LRMDA: variants seen among roughly 807,000 people sequenced by gnomAD.
LRMDA encodes the protein leucine-rich melanocyte differentiation-associated protein.
LRMDA carries 18 observed loss-of-function variants against 29.8 expected under a neutral mutation model. The observed-to-expected ratio is 0.60, with a 90% CI of 0.42 to 0.90. The LOEUF is 0.90. Ranked by LOEUF, LRMDA falls within the 40% of genes least tolerant of loss-of-function variation. The pLI, the probability that LRMDA is intolerant of heterozygous loss-of-function variation, is 0.00. For synonymous variants in LRMDA, 125 were observed against 109.4 expected, an observed-to-expected ratio of 1.14 and a Z score of -0.89; for missense variants, 273 against 273.9, an observed-to-expected ratio of 1.00 and a Z score of 0.02.
intron 2 of LRMDA, among the ~76,000 whole-genome samples, chr10:75,844,366 CT>C (rs1564583892): frequency 6.6e-6 from 1 of 152,140 alleles, no homozygotes; most frequent in Admixed American, 6.5e-5. Context: ...ACAACTTAAG[CT>C]TCTGTCTTTG....
At chr10:76,335,146 TAAAGC>T (rs990922367) in intron 6 of LRMDA, among the ~76,000 whole-genome samples, 15 of 152,352 alleles carry the variant, frequency 9.8e-5, no homozygotes, top group African/African-American at 3.6e-4. Context: ...GTGGATCATT[TAAAGC>T]AAGAATTAGA....
At chr10:75,688,862 TTA>T (rs1842112416) in intron 2 of LRMDA, among the ~76,000 whole-genome samples, 1 of 152,216 alleles carries the variant, frequency 6.6e-6, no homozygotes, top group Non-Finnish European at 1.5e-5. Flanking sequence ...AGCAAAAAGA[TTA>T]TGACTTGCTG....
rs114756399 is a variant in LRMDA at position 76,420,772 on chromosome 10, G to A, written c.601+96287G>A. 3.0e-3 allele frequency among the ~76,000 whole-genome samples: 454 copies of A among 151,782 alleles called. 4 individuals carry two copies. The highest frequency in any genetic ancestry group is 0.011 in the African/African-American group (445 of 41,402). On this transcript the variant is annotated intron_variant, in intron 6 of 6. Coordinates refer to ENST00000611255, the MANE Select transcript of LRMDA (RefSeq NM_001305581.2). ...TTCTAATTTCTATGCTGATTTTTTT[G>A]ACTGTTGAGATATTTAGAAGTATGT... is the stretch of plus-strand genomic sequence containing the variant.
At chr10:75,993,784 T>C (rs781062989) in intron 2 of LRMDA, among the ~76,000 whole-genome samples, 16 of 152,080 alleles carry the variant, frequency 1.1e-4, no homozygotes, top group South Asian at 2.1e-4. Context: ...GTCATATTAT[T>C]GGTACGTGGT....
intron 2 of LRMDA, among the ~76,000 whole-genome samples, chr10:75,544,355 C>G (rs1347135815): frequency 6.6e-6 from 1 of 152,126 alleles, no homozygotes; most frequent in East Asian, 1.9e-4. Context: ...GGTTTCTAAA[C>G]TATCTCACAA....
chr10:75,616,240 T>TAGCAGCAGCAGC (rs773644340), intron 2 of LRMDA, among the ~76,000 whole-genome samples: 173 of 146,888 alleles, frequency 1.2e-3, no homozygotes, highest in African/African-American at 4.4e-3. Flanking sequence ...ATAGTAGCAG[T>TAGCAGCAGCAGC]AGCAGCAGTA....
At chr10:76,473,281 A>G (rs550607358) in intron 6 of LRMDA, among the ~76,000 whole-genome samples, 3 of 150,390 alleles carry the variant, frequency 2.0e-5, no homozygotes, top group East Asian at 3.9e-4. Flanking sequence ...CCACACCATT[A>G]AAAAAAAAGT....
chr10:76,224,589 T>C (rs115287054), intron 5 of LRMDA, among the ~76,000 whole-genome samples: 6,324 of 149,656 alleles, frequency 0.042, 430 homozygotes, highest in African/African-American at 0.14. Context: ...AAAAAAAAAA[T>C]GTTAGGCAAG....
At chr10:76,247,997 G>C (rs1027513123) in intron 5 of LRMDA, among the ~76,000 whole-genome samples, 1 of 152,112 alleles carries the variant, frequency 6.6e-6, no homozygotes, top group Non-Finnish European at 1.5e-5. Flanking sequence ...CTCAAATAAT[G>C]GGGAAAGGAC....
intron 2 of LRMDA, among the ~76,000 whole-genome samples, chr10:75,814,135 A>G (rs187143052): frequency 6.6e-6 from 1 of 152,214 alleles, no homozygotes; most frequent in Non-Finnish European, 1.5e-5. Context: ...CCTTCTGGAC[A>G]CTGGGCCCTT....
intron 6 of LRMDA, among the ~76,000 whole-genome samples, chr10:76,349,399 TGC>T (rs1329769112): frequency 2.0e-5 from 3 of 152,134 alleles, no homozygotes; most frequent in Non-Finnish European, 4.4e-5. Flanking sequence ...TTGCCACTCC[TGC>T]TATATGTATA....
At chr10:75,772,843 ATTC>A (rs1187119545) in intron 2 of LRMDA, among the ~76,000 whole-genome samples, 1 of 86,524 alleles carries the variant, frequency 1.2e-5, no homozygotes, top group East Asian at 4.5e-4. Context: ...TCAGGGCACT[ATTC>A]TTATTTTTTG....
intron 2 of LRMDA, among the ~76,000 whole-genome samples, chr10:76,000,305 G>A (rs775149183): frequency 2.0e-5 from 3 of 152,134 alleles, no homozygotes; most frequent in Non-Finnish European, 4.4e-5. Flanking sequence ...ATTAGGGAAC[G>A]TGTGAAATCT....
chr10:76,427,089 T>C (rs1842135413), intron 6 of LRMDA, among the ~76,000 whole-genome samples: 1 of 152,210 alleles, frequency 6.6e-6, no homozygotes, highest in Non-Finnish European at 1.5e-5. Context: ...CGATGCGGAC[T>C]CTTTTTTGGT....
chr10:76,120,631 C>G (rs570428881), intron 5 of LRMDA, among the ~76,000 whole-genome samples: 2 of 152,166 alleles, frequency 1.3e-5, no homozygotes, highest in Admixed American at 1.3e-4. Context: ...GGGATGATAG[C>G]ATAAGAAATG....
In LRMDA at chr10:76,238,080, G is replaced by A. The variant is rs190844346; in HGVS notation, c.517-86321G>A. 4.6e-5 allele frequency among the ~76,000 whole-genome samples: 7 copies of A among 151,982 alleles called. 1 individual carries two copies. Among genetic ancestry groups the A allele is most frequent in the East Asian group, 3.9e-4 (2 of 5,148 alleles). On this transcript the variant is annotated intron_variant, in intron 5 of 6. Transcript: ENST00000611255. ...TGCTGGGATTATAGGCATGAGCCAC[G>A]GCACCTGGCTAAGAGTGCATATTCA...
chr10:75,480,684 G>T (rs998372589), intron 2 of LRMDA, among the ~76,000 whole-genome samples: 7 of 152,248 alleles, frequency 4.6e-5, no homozygotes, highest in Admixed American at 1.3e-4. Context: ...AGGGTTTTAG[G>T]AGAGTGGCAC....
At chr10:75,712,803 C>T (rs1360277280) in intron 2 of LRMDA, among the ~76,000 whole-genome samples, 1 of 151,618 alleles carries the variant, frequency 6.6e-6, no homozygotes, top group Non-Finnish European at 1.5e-5. Flanking sequence ...CGTCCCCCCA[C>T]CCCCAGCCCC....
chr10:75,590,234 G>C (rs1840706600), intron 2 of LRMDA, among the ~76,000 whole-genome samples: 1 of 152,086 alleles, frequency 6.6e-6, no homozygotes, highest in East Asian at 1.9e-4. Context: ...GCCTAGGCTG[G>C]TCTTGAACTC....
Sources: gnomAD v4.1 joint callset for allele counts (sites outside exome capture counted in the v4.1 genomes callset) on GRCh38, gnomAD v4.1.1 for gene constraint, MANE v1.5 for transcripts, NCBI Gene and HGNC (gene_info 2026-07-23, HGNC 2026-07-21) for gene names.